The following PI4KA variants were observed in gnomAD, a reference collection of about 807,000 sequenced individuals.
PI4KA encodes PI4-kinase alpha.
A neutral mutation model predicts 271.4 loss-of-function variants in PI4KA; 122 were observed. That is an observed-to-expected ratio of 0.45 (90% CI 0.39 to 0.52). The LOEUF is 0.52. Among genes scored for constraint, PI4KA ranks in the 20% least tolerant of loss-of-function variants. The pLI is 0.00. For synonymous variants in PI4KA, 1,041 were observed against 1,078.8 expected, an observed-to-expected ratio of 0.96 and a Z score of 0.69; for missense variants, 1,969 against 2,769.1, an observed-to-expected ratio of 0.71 and a Z score of 6.48.
intron 17 of PI4KA, among the ~76,000 whole-genome samples, chr22:20,798,006 C>T (rs1359610226): frequency 1.3e-5 from 2 of 152,156 alleles, no homozygotes; most frequent in East Asian, 3.9e-4. Context: ...AAGCATCTCT[C>T]AATCTGTCAG....
chr22:20,715,712 T>C (rs1925906024), intron 45 of PI4KA, among the ~76,000 whole-genome samples: 2 of 152,034 alleles, frequency 1.3e-5, no homozygotes, highest in South Asian at 4.1e-4. Context: ...TTACCTGAGG[T>C]GATCCACCCG....
At chr22:20,805,561 G>T (rs111357184) in intron 10 of PI4KA, among the ~76,000 whole-genome samples, 1 of 151,986 alleles carries the variant, frequency 6.6e-6, no homozygotes, top group Non-Finnish European at 1.5e-5. Flanking sequence ...GGCCAGGCGC[G>T]GTGGCTCACG....
At chr22:20,817,848 G>C (rs548460758) in intron 7 of PI4KA, among the ~76,000 whole-genome samples, 4 of 149,996 alleles carry the variant, frequency 2.7e-5, no homozygotes, top group Non-Finnish European at 5.9e-5. Flanking sequence ...TGTCCAGCCA[G>C]GTGTGGTGGC....
At chr22:20,713,058 T>C (rs1018413946) in intron 48 of PI4KA, 6 of 649,580 alleles carry the variant, frequency 9.2e-6, no homozygotes, top group South Asian at 1.9e-5. Flanking sequence ...CCCTGGACAG[T>C]TCCCTCAGGT....
chr22:20,804,639 C>A (rs1189117099), intron 11 of PI4KA, among the ~76,000 whole-genome samples: 1 of 152,178 alleles, frequency 6.6e-6, no homozygotes, highest in Admixed American at 6.5e-5. Context: ...ACTCCTCCCC[C>A]AGAAAAACAC....
chr22:20,818,890 CAT>C (rs1922198810), intron 6 of PI4KA, among the ~76,000 whole-genome samples: 1 of 152,180 alleles, frequency 6.6e-6, no homozygotes, highest in Admixed American at 6.5e-5. Flanking sequence ...TGCTATGAAA[CAT>C]ATACTTTATG....
intron 7 of PI4KA, 97 bp downstream of exon 7, chr22:20,818,386 C>A (rs747914979): frequency 1.3e-5 from 11 of 834,916 alleles, no homozygotes; most frequent in Non-Finnish European, 2.0e-5. Flanking sequence ...TCCATGACAA[C>A]AGAGTTAGTA....
intron 19 of PI4KA, among the ~76,000 whole-genome samples, chr22:20,790,040 T>C (rs1934526673): frequency 6.6e-6 from 1 of 152,204 alleles, no homozygotes; most frequent in African/African-American, 2.4e-5. Context: ...TCTCTAAGCA[T>C]TAGATACCAT....
chr22:20,817,577 A>C (rs149508311), intron 7 of PI4KA, among the ~76,000 whole-genome samples: 46 of 151,376 alleles, frequency 3.0e-4, no homozygotes, highest in African/African-American at 9.7e-4. Context: ...TCTACAAAAA[A>C]TACACAAGTT....
intron 3 of PI4KA, among the ~76,000 whole-genome samples, chr22:20,830,424 G>A (rs1183792219): frequency 1.3e-5 from 2 of 152,104 alleles, no homozygotes; most frequent in Non-Finnish European, 2.9e-5. Flanking sequence ...TGTGATCTTC[G>A]TTGGTTGGAA....
At chr22:20,811,752 G>C (rs566711793) in intron 8 of PI4KA, among the ~76,000 whole-genome samples, 1 of 152,102 alleles carries the variant, frequency 6.6e-6, no homozygotes, top group African/African-American at 2.4e-5. Flanking sequence ...GGTGGCTCAC[G>C]CCTGTAATCC....
At position 20,799,191 on chromosome 22, in the gene PI4KA, G is replaced by T. The variant is rs1156768914; in HGVS notation, c.1906C>A (p.Pro636Thr). 2.1e-5 allele frequency: 33 copies of T among 1,603,640 alleles called. No individual in the cohort carries two copies. Among genetic ancestry groups the T allele is most frequent in the Non-Finnish European group, 2.6e-5 (31 of 1,174,932 alleles). The change falls in exon 16 of 55, where the codon CCC (proline) becomes ACC (threonine). Residue 636 changes from proline to threonine, a missense_variant. Around this residue, in one of 13 missense-constraint regions of PI4KA, gnomAD observed 228 missense variants for 261.6 expected, o/e 0.87. Coordinates refer to ENST00000255882, the MANE Select transcript of PI4KA (RefSeq NM_058004.4). ...TTCTGCTGTAGGATCTGCAGAATGG[G>T]CTCCATGACCTTCGGGGTGTCCCTC... ...ALRDTPKVME[P>T]ILQILQQKFC...
chr22:20,856,080 A>G (rs867178926), intron 1 of PI4KA, among the ~76,000 whole-genome samples: 8 of 152,222 alleles, frequency 5.3e-5, no homozygotes, highest in Admixed American at 2.0e-4. Context: ...TCAGGAGTTC[A>G]AGACCAGCCT....
chr22:20,722,179 G>T (rs1568954351), intron 42 of PI4KA, among the ~76,000 whole-genome samples: 1 of 151,936 alleles, frequency 6.6e-6, no homozygotes, highest in African/African-American at 2.4e-5. Flanking sequence ...GTCTCGGGAA[G>T]TTTTTTTGTT....
chr22:20,839,009 G>A (rs1925229870), intron 1 of PI4KA, among the ~76,000 whole-genome samples: 2 of 152,176 alleles, frequency 1.3e-5, no homozygotes, highest in Non-Finnish European at 2.9e-5. Flanking sequence ...CTGAGGTCAG[G>A]AGTTCAAGAC....
intron 23 of PI4KA, among the ~76,000 whole-genome samples, chr22:20,758,065 T>TA (rs1233436222): frequency 7.2e-5 from 11 of 151,990 alleles, no homozygotes; most frequent in Non-Finnish European, 1.2e-4. Flanking sequence ...TTTGTAAACT[T>TA]AAACATTATG....
At chr22:20,836,054 A>AAAAACAAAAC (rs112102593) in intron 2 of PI4KA, among the ~76,000 whole-genome samples, 48,529 of 149,294 alleles carry the variant, frequency 0.33, 8,123 homozygotes, top group Admixed American at 0.4. Context: ...TCCATTTCAA[A>AAAAACAAAAC]AAAACAAAAC....
intron 1 of PI4KA, among the ~76,000 whole-genome samples, chr22:20,854,422 A>C (rs562951378): frequency 6.6e-6 from 1 of 152,098 alleles, no homozygotes; most frequent in Non-Finnish European, 1.5e-5. Flanking sequence ...TGCCCAGCCT[A>C]AGGTAATTTT....
In PI4KA at chr22:20,845,585, C is replaced by T. The variant is rs186583444; in HGVS notation, c.157-6854G>A. Reference sequence around the variant, plus strand: ...AATATTGAATATAAGCTGATATTTTCGAAGTGACTCAGAGCTATCATGATA... The same window carrying T: ...AATATTGAATATAAGCTGATATTTTTGAAGTGACTCAGAGCTATCATGATA... On this transcript the variant is annotated intron_variant, in intron 1 of 54. Transcript: ENST00000255882. Among the ~76,000 whole-genome samples, 64 of 152,266 alleles carry T rather than the reference C, an allele frequency of 4.2e-4. 2 individuals carry two copies. Among genetic ancestry groups the T allele is most frequent in the African/African-American group, 9.1e-4 (38 of 41,550 alleles).
Sources: allele counts gnomAD v4.1 joint callset (sites outside exome capture counted in the v4.1 genomes callset), GRCh38; gene constraint gnomAD v4.1.1; regional missense constraint gnomAD v4.1.1; transcripts MANE v1.5; gene names NCBI Gene and HGNC (gene_info 2026-07-23, HGNC 2026-07-21).